Variants in FSIP1 observed in about 807,000 individuals in gnomAD.
The protein encoded by FSIP1 is fibrous sheath-interacting protein 1.
In FSIP1, 65 loss-of-function variants were observed where a neutral mutation model predicts 60.9. The ratio of observed to expected loss-of-function variants is 1.07; its 90% CI spans 0.87 to 1.31. FSIP1 has a LOEUF of 1.31. Among genes scored for constraint, FSIP1 ranks in the 40% most tolerant of loss-of-function variants. The pLI is 0.00. For synonymous variants in FSIP1, 209 were observed against 221.2 expected (o/e 0.94, Z 0.49); for missense variants, 675 against 665.5 (o/e 1.01, Z -0.16).
intron 10 of FSIP1, among the ~76,000 whole-genome samples, chr15:39,697,724 T>C (rs922447082): frequency 1.3e-5 from 2 of 152,212 alleles, no homozygotes; most frequent in Non-Finnish European, 2.9e-5. Context: ...TTCTCCTACT[T>C]CTCAATATGT....
chr15:39,679,266 C>T (rs1894064570), intron 10 of FSIP1, among the ~76,000 whole-genome samples: 1 of 152,070 alleles, frequency 6.6e-6, no homozygotes, highest in South Asian at 2.1e-4. Flanking sequence ...AATAAGGAAC[C>T]CTGAATATCT....
intron 5 of FSIP1, among the ~76,000 whole-genome samples, chr15:39,756,238 AT>A (rs1595697854): frequency 6.6e-6 from 1 of 152,006 alleles, no homozygotes; most frequent in East Asian, 1.9e-4. Context: ...AACCACAGTT[AT>A]TTTCTTCATT....
intron 4 of FSIP1, 84 bp downstream of exon 4, chr15:39,765,508 T>C (rs1265478395): frequency 4.0e-6 from 4 of 1,006,222 alleles, no homozygotes; most frequent in Non-Finnish European, 5.7e-6. Flanking sequence ...CCTCCCTAAG[T>C]GCTGGGATTA....
intron 10 of FSIP1, among the ~76,000 whole-genome samples, chr15:39,649,932 G>C (rs920065904): frequency 6.6e-6 from 1 of 152,096 alleles, no homozygotes; most frequent in African/African-American, 2.4e-5. Flanking sequence ...GTCAGGCCTC[G>C]TGCTCATTTC....
At chr15:39,696,051 G>C (rs576996116) in intron 10 of FSIP1, among the ~76,000 whole-genome samples, 1 of 152,248 alleles carries the variant, frequency 6.6e-6, no homozygotes, top group Non-Finnish European at 1.5e-5. Flanking sequence ...GCTTATACAT[G>C]AAAGTATATA....
chr15:39,767,967 G>A (rs116785038), intron 3 of FSIP1, among the ~76,000 whole-genome samples: 1 of 152,290 alleles, frequency 6.6e-6, no homozygotes, highest in African/African-American at 2.4e-5. Context: ...GGGTCTCATT[G>A]AGCTGATTAA....
chr15:39,625,020 G>A (rs929164390), intron 10 of FSIP1, among the ~76,000 whole-genome samples: 8 of 152,208 alleles, frequency 5.3e-5, no homozygotes, highest in African/African-American at 1.7e-4. Context: ...GGTCATGAAC[G>A]TTGTGGTGGT....
At chr15:39,623,531 T>TA (rs1321589368) in intron 10 of FSIP1, among the ~76,000 whole-genome samples, 1 of 152,194 alleles carries the variant, frequency 6.6e-6, no homozygotes, top group Non-Finnish European at 1.5e-5. Flanking sequence ...AATAAGCAAC[T>TA]AAAAAACATT....
intron 10 of FSIP1, 76 bp from the exon 11 acceptor site, chr15:39,618,321 T>C: frequency 1.7e-6 from 2 of 1,175,534 alleles, no homozygotes; most frequent in East Asian, 2.4e-5. Flanking sequence ...CATCCAGTAA[T>C]ACAAATATAA....
At chr15:39,733,203 G>A (rs1392996694) in intron 8 of FSIP1, among the ~76,000 whole-genome samples, 3 of 152,154 alleles carry the variant, frequency 2.0e-5, no homozygotes, top group Non-Finnish European at 4.4e-5. Flanking sequence ...GCTAATTGTT[G>A]TATTTTTAGT....
At chr15:39,700,334 T>C (rs1906153) in intron 10 of FSIP1, among the ~76,000 whole-genome samples, 124,011 of 152,164 alleles carry the variant, frequency 0.81, 50,977 homozygotes, top group Non-Finnish European at 0.87. Flanking sequence ...TGATCAAATA[T>C]AGCACTTTAT....
At chr15:39,765,172 A>T (rs1303877226) in intron 4 of FSIP1, among the ~76,000 whole-genome samples, 1 of 151,808 alleles carries the variant, frequency 6.6e-6, no homozygotes, top group Non-Finnish European at 1.5e-5. Context: ...CACAAAATAA[A>T]GCAATCAAGG....
At chr15:39,726,563 G>A (rs758527612) in intron 9 of FSIP1, 26 bp downstream of exon 9, 3 of 1,607,576 alleles carry the variant, frequency 1.9e-6, no homozygotes, top group Non-Finnish European at 2.6e-6. Flanking sequence ...ACATTAACTT[G>A]AACAGTCTAT....
chr15:39,775,466 C>A (rs1898022417), intron 2 of FSIP1, among the ~76,000 whole-genome samples: 1 of 150,524 alleles, frequency 6.6e-6, no homozygotes, highest in Non-Finnish European at 1.5e-5. Context: ...GTAAAAAAAT[C>A]AAGTCTAGAA....
intron 1 of FSIP1, 200 bp downstream of exon 1, chr15:39,782,428 C>G (rs1039379545): frequency 1.3e-5 from 2 of 152,502 alleles, no homozygotes; most frequent in Non-Finnish European, 2.9e-5. Flanking sequence ...TTAGGTGATT[C>G]CTGGAGAAAT....
intron 2 of FSIP1, 104 bp downstream of exon 2, chr15:39,776,295 G>T: frequency 9.1e-7 from 1 of 1,101,580 alleles, no homozygotes; most frequent in Non-Finnish European, 1.3e-6. Context: ...CAAACACACC[G>T]TCTAAGGAGA....
chr15:39,746,704 C>A lies in FSIP1; in HGVS notation c.560-4804G>T, dbSNP rs548751571. On this transcript the variant is annotated intron_variant, in intron 5 of 11. Coordinates refer to ENST00000350221, the MANE Select transcript of FSIP1 (RefSeq NM_152597.5). ...TAACTATAAAAAAATCATAAAATTT[C>A]TAAAAACTTGTTGGCATCCTCAATA... Among the ~76,000 whole-genome samples, 24 of 152,196 alleles carry A rather than the reference C, an allele frequency of 1.6e-4. 3 individuals are homozygous for A. The South Asian group carries it at 3.7e-3, about 24-fold the overall frequency.
rs1017276022 is a variant in FSIP1, at chr15:39,617,650, C to A, written c.1699+85G>T. 45 of 1,176,102 alleles carry A rather than the reference C, an allele frequency of 3.8e-5. No individual in the cohort carries two copies. In the East Asian group the frequency reaches 1.0e-3, roughly 26 times the overall value. 72.9% of individuals were successfully genotyped at this position (1,176,102 alleles called of 1,614,324 possible). A position where few individuals can be genotyped will look rare whatever the true frequency, so the allele number is the denominator to read the frequency against. On this transcript the variant is annotated intron_variant, in intron 11 of 11. Transcript: ENST00000350221. ...TGTGACTTACAAACATACCTTCTTA[C>A]CCGACTCTAATTTAAACCATAATAC...
chr15:39,613,320 C>T (rs1188331312), intron 11 of FSIP1, among the ~76,000 whole-genome samples: 1 of 151,970 alleles, frequency 6.6e-6, no homozygotes, highest in African/African-American at 2.4e-5. Context: ...AATTATATGC[C>T]AACATATAAT....
Sources: allele counts gnomAD v4.1 joint callset (sites outside exome capture counted in the v4.1 genomes callset), GRCh38; gene constraint gnomAD v4.1.1; transcripts MANE v1.5; gene names NCBI Gene and HGNC (gene_info 2026-07-23, HGNC 2026-07-21).